The following MNT variants were observed in gnomAD, a reference collection of about 807,000 sequenced individuals.
MNT encodes the protein max-binding protein MNT.
MNT carries 13 observed loss-of-function variants against 40.7 expected under a neutral mutation model. That is an observed-to-expected ratio of 0.32 (90% CI 0.21 to 0.51). The LOEUF (loss-of-function observed/expected upper bound fraction) is 0.51, where lower values mean the gene tolerates loss of function less well. Among genes scored for constraint, MNT ranks in the 20% least tolerant of loss-of-function variants. The pLI, the probability that MNT is intolerant of heterozygous loss-of-function variation, is 0.98. For missense variants in MNT, 757 were observed against 792.0 expected (o/e 0.96, Z 0.53); for synonymous variants, 426 against 354.8 (o/e 1.20, Z -2.26).
intron 1 of MNT, chr17:2,396,684 C>A (rs1020768618): frequency 6.6e-6 from 1 of 152,406 alleles, no homozygotes; most frequent in African/African-American, 2.4e-5. Flanking sequence ...CTCTCCCAGG[C>A]GCCACCATTC....
chr17:2,387,810 G>A (rs372365268), intron 5 of MNT, 47 bp downstream of exon 5: 89 of 1,559,476 alleles, frequency 5.7e-5, no homozygotes, highest in Admixed American at 1.8e-5. Context: ...GGAATTTGAG[G>A]TGTAACATCT....
chr17:2,389,487 C>G (rs1358622591), intron 4 of MNT: 1 of 152,240 alleles, frequency 6.6e-6, no homozygotes, highest in African/African-American at 2.4e-5. Flanking sequence ...GTTGGTCAGG[C>G]TGGTCTCGAA....
chr17:2,387,306 G>C lies in MNT; in HGVS notation c.1344C>G (p.His448Gln). The stretch of plus-strand genomic sequence containing the variant: ...GGTTCACAGTCTGGATGACTGAAGC[G>C]TGAGTGGTGGCTGTGTGGGCGATGA... The part of the protein sequence containing the change: ...STVIAHTATT[H>Q]ASVIQTVNHV... The change falls in exon 6 of 6, where the codon CAC (histidine) becomes CAG (glutamine). Residue 448 changes from histidine (H) to glutamine (Q), a missense_variant. This residue lies in a region of MNT where 345 missense variants were observed against 380.1 expected (regional missense o/e 0.91). Coordinates refer to ENST00000174618, the MANE Select transcript of MNT (RefSeq NM_020310.3). 1 of 1,613,432 alleles carries C rather than the reference G, an allele frequency of 6.2e-7. No individual in the cohort carries two copies. Among genetic ancestry groups the C allele is most frequent in the South Asian group, 1.1e-5 (1 of 90,884 alleles).
chr17:2,392,989 C>T (rs1325986499), intron 4 of MNT, among the ~76,000 whole-genome samples: 1 of 152,128 alleles, frequency 6.6e-6, no homozygotes, highest in Non-Finnish European at 1.5e-5. Flanking sequence ...GCTGTGACCC[C>T]GCGGTCGAGG....
intron 3 of MNT, 30 bp from the exon 4 acceptor site, chr17:2,394,184 G>C: frequency 6.2e-7 from 1 of 1,605,260 alleles, no homozygotes; most frequent in Non-Finnish European, 8.5e-7. Flanking sequence ...CCGGTCAGCG[G>C]TGCCTGGGGC....
intron 1 of MNT, 82 bp from the exon 2 acceptor site, chr17:2,395,536 C>T: frequency 6.3e-7 from 1 of 1,583,072 alleles, no homozygotes; most frequent in Non-Finnish European, 8.5e-7. Context: ...GACCCTAGCC[C>T]AGTCAGTACT....
At chr17:2,398,516 C>CA (rs2066592277) in intron 1 of MNT, among the ~76,000 whole-genome samples, 1 of 152,208 alleles carries the variant, frequency 6.6e-6, no homozygotes, top group Non-Finnish European at 1.5e-5. Flanking sequence ...GACAGAACCT[C>CA]AAGAGGGAGA....
intron 4 of MNT, among the ~76,000 whole-genome samples, chr17:2,388,946 C>A (rs904671725): frequency 6.6e-6 from 1 of 152,214 alleles, no homozygotes; most frequent in Non-Finnish European, 1.5e-5. Context: ...TGCTCTCGAG[C>A]TCCTAGCTTC....
chr17:2,396,121 G>GC (rs111756272), intron 1 of MNT, among the ~76,000 whole-genome samples: 11,568 of 152,160 alleles, frequency 0.076, 606 homozygotes, highest in African/African-American at 0.14. Context: ...CCTCACAAGA[G>GC]CCCCACGTCA....
chr17:2,387,721 T>A, intron 5 of MNT, 72 bp from the exon 6 acceptor site: 2 of 1,579,054 alleles, frequency 1.3e-6, no homozygotes, highest in Non-Finnish European at 8.6e-7. Context: ...TAGATGCTCG[T>A]GGGGGCGTGG....
At chr17:2,398,810 TCCACTG>T (rs1404094075) in intron 1 of MNT, among the ~76,000 whole-genome samples, 3 of 152,110 alleles carry the variant, frequency 2.0e-5, no homozygotes. Context: ...AGGGGCACTC[TCCACTG>T]CCAGACCCTG....
intron 1 of MNT, 30 bp from the exon 2 acceptor site, chr17:2,395,484 G>A (rs761928943): frequency 1.2e-6 from 2 of 1,606,262 alleles, no homozygotes; most frequent in South Asian, 1.1e-5. Flanking sequence ...GGGGGGGAGG[G>A]TCTCAGCGGG....
At chr17:2,394,277 G>GCGCACA (rs1555611876) in intron 3 of MNT, 28 bp downstream of exon 3, 198 of 1,489,328 alleles carry the variant, frequency 1.3e-4, no homozygotes, top group African/African-American at 8.9e-4. Flanking sequence ...ACGCACGCAC[G>GCGCACA]CACACACACA....
chr17:2,395,915 C>CA (rs1315948297), intron 1 of MNT, among the ~76,000 whole-genome samples: 1 of 152,118 alleles, frequency 6.6e-6, no homozygotes, highest in Non-Finnish European at 1.5e-5. Context: ...GGTGTGCTGA[C>CA]AGATCCCAGC....
At position 2,395,276 on chromosome 17, in the gene MNT, G is replaced by A. The variant is rs1292631231; in HGVS notation, c.252C>T (p.Ala84=). ...CAGGGATAGGGATGACAGTCAGTGG[G>A]GCAGGGGTGGCAAGTGGTGGTGGGG... ...PAPPPPLATP[A]PLTVIPIPVV... The change falls in exon 2 of 6, where the codon GCC becomes GCT. Residue 84 remains alanine, a synonymous_variant. Transcript: ENST00000174618. 6.4e-7 allele frequency: 1 copy of A among 1,556,640 alleles called. No homozygotes were observed. Among genetic ancestry groups the A allele is most frequent in the South Asian group, 1.2e-5 (1 of 85,320 alleles).
intron 4 of MNT, chr17:2,393,820 G>A (rs994644962): frequency 2.6e-5 from 6 of 234,018 alleles, no homozygotes; most frequent in Non-Finnish European, 4.9e-5. Context: ...GGGCTCGGGA[G>A]CGGCGCGGGA....
chr17:2,393,370 G>A (rs1474420104), intron 4 of MNT, among the ~76,000 whole-genome samples: 3 of 152,180 alleles, frequency 2.0e-5, no homozygotes, highest in Non-Finnish European at 4.4e-5. Context: ...GCGCAGCCGG[G>A]AGGGCCCCGA....
In MNT at chr17:2,395,008, G is replaced by C; in HGVS notation, c.520C>G (p.Leu174Val). The C allele has an allele frequency of 6.2e-7, 1 of 1,604,216 alleles. No individual in the cohort carries two copies. The highest frequency in any genetic ancestry group is 8.5e-7 in the Non-Finnish European group (1 of 1,175,774). The change falls in exon 2 of 6, where the codon CTG becomes GTG. Residue 174 changes from leucine to valine, a missense_variant. Physicochemically the swap from Leu to Val is conservative, Grantham distance 32. This residue lies in a region of MNT where 335 missense variants were observed against 291.4 expected (regional missense o/e 1.15). Transcript: ENST00000174618. ...KPLQPLPTPV[L>V]TIAPHPGVQP... ...ACTCCAGGGTGTGGCGCTATGGTCA[G>C]GACAGGCGTGGGGAGGGGCTGCAAA... is the stretch of plus-strand genomic sequence containing the variant.
At chr17:2,389,087 C>G (rs946093146) in intron 4 of MNT, among the ~76,000 whole-genome samples, 5 of 151,954 alleles carry the variant, frequency 3.3e-5, no homozygotes, top group Admixed American at 2.0e-4. Context: ...CCCTTTACCC[C>G]CTAGATCTTA....
Sources: gnomAD v4.1 joint callset for allele counts (sites outside exome capture counted in the v4.1 genomes callset) on GRCh38, gnomAD v4.1.1 for gene constraint, gnomAD v4.1.1 regional missense constraint, MANE v1.5 for transcripts, NCBI Gene and HGNC (gene_info 2026-07-23, HGNC 2026-07-21) for gene names.